The following XNDC1N variants were observed in gnomAD, a reference collection of about 807,000 sequenced individuals.
XNDC1N encodes protein XNDC1N.
chr11:71,879,896 C>G, the XNDC1N span, among the ~76,000 whole-genome samples: 1 of 152,242 alleles, frequency 6.6e-6, no homozygotes, highest in South Asian at 2.1e-4. Context: ...CAAGATTCAT[C>G]CATGTTGTGG....
At chr11:71,913,596 T>A in the XNDC1N span, among the ~76,000 whole-genome samples, 1 of 146,090 alleles carries the variant, frequency 6.8e-6, no homozygotes, top group South Asian at 2.1e-4. Flanking sequence ...GAGGCAGAGG[T>A]TGTGGTCAGC....
chr11:71,883,211 A>G, the XNDC1N span, among the ~76,000 whole-genome samples: 2 of 152,186 alleles, frequency 1.3e-5, no homozygotes, highest in Admixed American at 1.3e-4. Context: ...TCAAAATCCT[A>G]ATGGCACTCT....
the XNDC1N span, among the ~76,000 whole-genome samples, chr11:71,891,809 C>T: frequency 6.6e-6 from 1 of 151,884 alleles, no homozygotes; most frequent in Admixed American, 6.6e-5. Context: ...ATCATCGGGG[C>T]TGAACACCCC....
chr11:71,890,306 G>A, the XNDC1N span, among the ~76,000 whole-genome samples: 4 of 142,570 alleles, frequency 2.8e-5, no homozygotes, highest in Non-Finnish European at 4.6e-5. Flanking sequence ...CACATTGTGC[G>A]TGTACGCCTG....
chr11:71,912,601 G>A, the XNDC1N span, among the ~76,000 whole-genome samples: 2 of 152,110 alleles, frequency 1.3e-5, no homozygotes, highest in Non-Finnish European at 2.9e-5. Flanking sequence ...AACACAAAAG[G>A]GTGAACAACC....
chr11:71,901,141 C>T, the XNDC1N span, among the ~76,000 whole-genome samples: 1 of 152,114 alleles, frequency 6.6e-6, no homozygotes, highest in Non-Finnish European at 1.5e-5. Context: ...TCATTCGGGG[C>T]GCATCTCTCC....
the XNDC1N span, among the ~76,000 whole-genome samples, chr11:71,907,911 CTCT>C: frequency 1.3e-5 from 2 of 151,060 alleles, no homozygotes; most frequent in East Asian, 1.9e-4. Context: ...TAATAGCATT[CTCT>C]TCTTCTGTGA....
At chr11:71,889,811 GA>G in the XNDC1N span, among the ~76,000 whole-genome samples, 1 of 152,162 alleles carries the variant, frequency 6.6e-6, no homozygotes, top group Non-Finnish European at 1.5e-5. Context: ...TCAAAATGTG[GA>G]GGTAACAAGT....
At chr11:71,899,645 T>G in the XNDC1N span, among the ~76,000 whole-genome samples, 1 of 152,216 alleles carries the variant, frequency 6.6e-6, no homozygotes, top group Non-Finnish European at 1.5e-5. Context: ...CGCCATTCTC[T>G]ATTCTCAATA....
At chr11:71,914,397 G>A in the XNDC1N span, 1 of 455,860 alleles carries the variant, frequency 2.2e-6, no homozygotes, top group East Asian at 6.9e-5. Context: ...GAAATAGTAT[G>A]AGAACTTGGC....
At chr11:71,887,670 G>C in the XNDC1N span, among the ~76,000 whole-genome samples, 2 of 152,154 alleles carry the variant, frequency 1.3e-5, no homozygotes, top group African/African-American at 4.8e-5. Flanking sequence ...AGAACTTTTG[G>C]AATTATTGTT....
At chr11:71,876,401 T>C in the XNDC1N span, among the ~76,000 whole-genome samples, 2 of 152,340 alleles carry the variant, frequency 1.3e-5, no homozygotes, top group African/African-American at 4.8e-5. Context: ...AGCCATCTTT[T>C]GATGTTCATC....
the XNDC1N span, chr11:71,903,549 C>A: frequency 2.9e-6 from 2 of 688,000 alleles, no homozygotes; most frequent in Non-Finnish European, 5.3e-6. Context: ...GTGTGATGGC[C>A]TACGACCAGT....
At chr11:71,874,493 AAG>A in the XNDC1N span, among the ~76,000 whole-genome samples, 1 of 152,192 alleles carries the variant, frequency 6.6e-6, no homozygotes, top group East Asian at 1.9e-4. Flanking sequence ...GAGCAAGACT[AAG>A]GGGAGTGTGA....
At chr11:71,884,448 T>C in the XNDC1N span, 4 of 1,606,994 alleles carry the variant, frequency 2.5e-6, no homozygotes, top group East Asian at 6.7e-5. Flanking sequence ...TTCAGAATAT[T>C]ATCATTGCAG....
At chr11:71,920,891 G>C in the XNDC1N span, among the ~76,000 whole-genome samples, 1 of 152,130 alleles carries the variant, frequency 6.6e-6, no homozygotes, top group East Asian at 1.9e-4. Context: ...CTTGAACCTG[G>C]GAGGCGGAGG....
At chr11:71,918,697 G>C in the XNDC1N span, among the ~76,000 whole-genome samples, 1 of 152,180 alleles carries the variant, frequency 6.6e-6, no homozygotes, top group Non-Finnish European at 1.5e-5. Flanking sequence ...TATGTGAATA[G>C]AGCCCTTGGA....
chr11:71,893,695 GC>G, the XNDC1N span: 1 of 1,331,126 alleles, frequency 7.5e-7, no homozygotes. Flanking sequence ...TTTCACCTCG[GC>G]CACGGTTCCC....
the XNDC1N span, among the ~76,000 whole-genome samples, chr11:71,894,700 T>C: frequency 6.6e-6 from 1 of 152,256 alleles, no homozygotes; most frequent in South Asian, 2.1e-4. Context: ...TCTTTTCATA[T>C]ACACGAAGTC....
Sources: allele counts gnomAD v4.1 joint callset (sites outside exome capture counted in the v4.1 genomes callset), GRCh38; gene constraint gnomAD v4.1.1; transcripts MANE v1.5; gene names NCBI Gene and HGNC (gene_info 2026-07-23, HGNC 2026-07-21).